Variants in MEGF11 observed in about 807,000 individuals in gnomAD.
MEGF11 encodes the protein multiple epidermal growth factor-like domains protein 11.
Under a neutral mutation model 146.6 loss-of-function variants are expected in MEGF11, and 126 were observed. That is an observed-to-expected ratio of 0.86 (90% CI 0.74 to 1.00). The LOEUF (loss-of-function observed/expected upper bound fraction) is 1.00. MEGF11 is among the 50% of genes least tolerant of loss of function. The pLI is 0.00. For missense variants in MEGF11, 1,509 were observed against 1,521.2 expected (o/e 0.99, Z 0.13); for synonymous variants, 532 against 583.4 (o/e 0.91, Z 1.27).
At chr15:66,147,261 A>T (rs768255087) in intron 1 of MEGF11, among the ~76,000 whole-genome samples, 8 of 152,000 alleles carry the variant, frequency 5.3e-5, no homozygotes, top group African/African-American at 9.7e-5. Context: ...CCCCTCCCCA[A>T]ATGGCACCTT....
chr15:66,238,818 G>A (rs1233705723), intron 1 of MEGF11, among the ~76,000 whole-genome samples: 1 of 105,408 alleles, frequency 9.5e-6, no homozygotes, highest in South Asian at 3.4e-4. Flanking sequence ...ACCCATCACT[G>A]CCTCTTCACC....
chr15:65,935,760 G>A (rs74023625), intron 10 of MEGF11, among the ~76,000 whole-genome samples: 10,252 of 152,190 alleles, frequency 0.067, 393 homozygotes, highest in Middle Eastern at 0.11. Flanking sequence ...TCACTGTCCC[G>A]GCCCCCTGGC....
chr15:66,064,233 G>C (rs182802343), intron 5 of MEGF11, among the ~76,000 whole-genome samples: 5 of 152,216 alleles, frequency 3.3e-5, no homozygotes, highest in African/African-American at 1.2e-4. Flanking sequence ...GCTGGGTGTG[G>C]TGGCGCACGT....
chr15:66,218,117 G>T (rs1266301903), intron 1 of MEGF11, among the ~76,000 whole-genome samples: 3 of 152,138 alleles, frequency 2.0e-5, no homozygotes, highest in Non-Finnish European at 4.4e-5. Context: ...ATTGGTTTTG[G>T]CTGGGTTGTT....
At chr15:66,155,656 C>G (rs2089729368) in intron 1 of MEGF11, among the ~76,000 whole-genome samples, 1 of 152,194 alleles carries the variant, frequency 6.6e-6, no homozygotes, top group East Asian at 1.9e-4. Context: ...CTGATCTCCC[C>G]CATAAGCCTG....
chr15:66,113,775 G>A (rs1247106756), intron 4 of MEGF11, among the ~76,000 whole-genome samples: 2 of 152,136 alleles, frequency 1.3e-5, no homozygotes, highest in Non-Finnish European at 2.9e-5. Flanking sequence ...CAGCTATTCT[G>A]GAGGTTGAGG....
rs72746215 is a variant in MEGF11 at position 66,216,800 on chromosome 15, C to G, written c.-9+36805G>C. ...GGCTACAGTATGCTGCCCAGAACCC[C>G]CTTCAGGACTGAGGCACTCATTCCC... On this transcript the variant is annotated intron_variant, in intron 1 of 25. Coordinates refer to ENST00000395614, the MANE Select transcript of MEGF11 (RefSeq NM_001385028.1). Among the ~76,000 whole-genome samples, 1,113 of 152,334 alleles carry G rather than the reference C, an allele frequency of 7.3e-3. 11 individuals carry two copies. The highest frequency in any genetic ancestry group is 0.011 in the Non-Finnish European group (745 of 68,028).
intron 5 of MEGF11, among the ~76,000 whole-genome samples, chr15:66,077,360 C>G (rs537085043): frequency 1.8e-4 from 28 of 152,388 alleles, no homozygotes; most frequent in African/African-American, 6.7e-4. Context: ...GATATGATCT[C>G]TGCTTCCTCT....
intron 13 of MEGF11, 147 bp from the exon 14 acceptor site, chr15:65,923,116 G>T: frequency 1.2e-6 from 1 of 844,470 alleles, no homozygotes; most frequent in South Asian, 1.8e-5. Context: ...CTGAGGCTTG[G>T]CTGGTCATGG....
intron 5 of MEGF11, among the ~76,000 whole-genome samples, chr15:66,020,744 G>A (rs1443812131): frequency 6.6e-6 from 1 of 152,164 alleles, no homozygotes; most frequent in African/African-American, 2.4e-5. Flanking sequence ...TGTAATCCCA[G>A]CACTTTGGGA....
intron 4 of MEGF11, among the ~76,000 whole-genome samples, chr15:66,115,191 G>A (rs1052890254): frequency 1.3e-5 from 2 of 152,228 alleles, no homozygotes; most frequent in Non-Finnish European, 2.9e-5. Context: ...AGAACTCTTG[G>A]CATCCGATGG....
At chr15:66,235,637 T>C (rs547562989) in intron 1 of MEGF11, among the ~76,000 whole-genome samples, 1 of 152,214 alleles carries the variant, frequency 6.6e-6, no homozygotes, top group East Asian at 1.9e-4. Context: ...GCAACAGCAC[T>C]ACACCCCAAT....
chr15:66,196,289 T>C (rs2091007870), intron 1 of MEGF11, among the ~76,000 whole-genome samples: 1 of 151,972 alleles, frequency 6.6e-6, no homozygotes, highest in Non-Finnish European at 1.5e-5. Context: ...CTGGCCAACA[T>C]GCAAAAACCC....
intron 2 of MEGF11, among the ~76,000 whole-genome samples, chr15:66,126,970 A>G (rs567220100): frequency 6.6e-6 from 1 of 152,338 alleles, no homozygotes; most frequent in South Asian, 2.1e-4. Flanking sequence ...ACTAAGGTCC[A>G]TGATAACCAG....
At chr15:65,979,820 G>A (rs2141671650) in intron 7 of MEGF11, among the ~76,000 whole-genome samples, 1 of 152,290 alleles carries the variant, frequency 6.6e-6, no homozygotes, top group East Asian at 1.9e-4. Context: ...AGGGCTCACT[G>A]TTGTTATATC....
intron 5 of MEGF11, among the ~76,000 whole-genome samples, chr15:66,016,998 C>T (rs750185107): frequency 6.6e-6 from 1 of 152,184 alleles, no homozygotes; most frequent in Admixed American, 6.5e-5. Flanking sequence ...AGAGCAGAGC[C>T]AAAGCTCCTA....
At chr15:65,955,823 A>ATATAAATATATATATATAT (rs1555455891) in intron 10 of MEGF11, among the ~76,000 whole-genome samples, 1 of 40,204 alleles carries the variant, frequency 2.5e-5, no homozygotes, top group African/African-American at 9.9e-5. Context: ...CAATACTTTA[A>ATATAAATATATATATATAT]ATATATAACA....
intron 5 of MEGF11, among the ~76,000 whole-genome samples, chr15:66,043,673 G>A (rs2084082266): frequency 1.3e-5 from 2 of 152,226 alleles, no homozygotes. Flanking sequence ...TTTAGAAGCT[G>A]TAATGGGGCA....
chr15:66,104,532 T>C (rs1233335623), intron 4 of MEGF11, among the ~76,000 whole-genome samples: 2 of 152,284 alleles, frequency 1.3e-5, no homozygotes, highest in African/African-American at 4.8e-5. Context: ...TCATTAAGAA[T>C]GGTAATTGCA....
Sources: allele counts gnomAD v4.1 joint callset (sites outside exome capture counted in the v4.1 genomes callset), GRCh38; gene constraint gnomAD v4.1.1; transcripts MANE v1.5; gene names NCBI Gene and HGNC (gene_info 2026-07-23, HGNC 2026-07-21).